CYP4F3: variants seen among roughly 807,000 people sequenced by gnomAD.
The protein encoded by CYP4F3 is cytochrome P450 4F3.
CYP4F3 carries 50 observed loss-of-function variants against 54.8 expected under a neutral mutation model. That is an observed-to-expected ratio of 0.91 (90% CI 0.73 to 1.16). The LOEUF (loss-of-function observed/expected upper bound fraction) is 1.16. CYP4F3 is among the 50% of genes most tolerant of loss of function. The pLI, the probability that CYP4F3 is intolerant of heterozygous loss-of-function variation, is 0.00. For missense variants in CYP4F3, 715 were observed against 676.2 expected (o/e 1.06, Z -0.64); for synonymous variants, 244 against 262.6 (o/e 0.93, Z 0.69).
rs995075898 is a variant in CYP4F3 at position 15,659,502 on chromosome 19, T to G, written c.*117T>G. On this transcript the variant is annotated 3_prime_UTR_variant, in exon 13 of 13. Coordinates refer to ENST00000221307, the MANE Select transcript of CYP4F3 (RefSeq NM_000896.3). ...CCTGTATTCCATCCTAGATATCTAC[T>G]CAAAATAATTGAGACAAGTGTTCAA... 3 of 1,145,528 alleles carry G rather than the reference T, an allele frequency of 2.6e-6. No homozygotes were observed. In the East Asian group the frequency reaches 8.3e-5, roughly 32 times the overall value. 71.0% of individuals were successfully genotyped at this position (1,145,528 alleles called of 1,614,324 possible). A position where few individuals can be genotyped will look rare whatever the true frequency, so the allele number is the denominator to read the frequency against.
At position 15,659,264 on chromosome 19, in the gene CYP4F3, T is replaced by A. The variant is rs770935519; in HGVS notation, c.1442T>A (p.Val481Asp). ...TTCGCGATGGCGGAGATGAAGGTGG[T>A]CCTGGGGCTCACGCTGCTGCGCTTC... ...QAFAMAEMKV[V>D]LGLTLLRFRV... is the part of the protein sequence containing the mutation. The change falls in exon 13 of 13, where the codon GTC (valine) becomes GAC (aspartate). Residue 481 changes from valine (V) to aspartate (D), a missense_variant. By Grantham distance (152) the Val-to-Asp change is radical. Coordinates refer to ENST00000221307, the MANE Select transcript of CYP4F3 (RefSeq NM_000896.3). The A allele has an allele frequency of 6.2e-7, 1 of 1,612,856 alleles. No homozygotes were observed. The highest frequency in any genetic ancestry group is 8.5e-7 in the Non-Finnish European group (1 of 1,179,826).
chr19:15,645,470 T>A (rs1008712709), intron 2 of CYP4F3, among the ~76,000 whole-genome samples: 28 of 152,134 alleles, frequency 1.8e-4, no homozygotes, highest in African/African-American at 6.3e-4. Context: ...GAAAATGGGA[T>A]GAATGAGAGC....
intron 7 of CYP4F3, among the ~76,000 whole-genome samples, chr19:15,650,684 CTTTCTT>C (rs1599894802): frequency 1.4e-5 from 1 of 70,022 alleles, no homozygotes; most frequent in Non-Finnish European, 2.6e-5. Flanking sequence ...TTCTTTCTTT[CTTTCTT>C]TCTTTCTTTC....
intron 7 of CYP4F3, among the ~76,000 whole-genome samples, chr19:15,652,093 C>A (rs1972873813): frequency 6.6e-6 from 1 of 151,954 alleles, no homozygotes; most frequent in Non-Finnish European, 1.5e-5. Flanking sequence ...AGAGAGGGCA[C>A]CAGCTTTGTG....
rs1973203698 is a variant in CYP4F3, at chr19:15,662,490, C to A, written c.*3105C>A. On this transcript the variant is annotated 3_prime_UTR_variant, in exon 13 of 13. Transcript: ENST00000221307. ...TAAAGGAGTAATGGGAATCCTTCAA[C>A]TACATTTTTTCCCCAATAATTTTTG... 1 of 108,864 alleles carries A rather than the reference C, an allele frequency of 9.2e-6. No individual in the cohort carries two copies. The highest frequency in any genetic ancestry group is 1.9e-5 in the Non-Finnish European group (1 of 53,198). The allele number at this position is 108,864 out of a possible 1,614,324, so 6.7% of individuals were successfully genotyped here. A position where few individuals can be genotyped will look rare whatever the true frequency, so the allele number is the denominator to read the frequency against.
chr19:15,650,025 C>G lies in CYP4F3; in HGVS notation c.760C>G (p.Gln254Glu), dbSNP rs756595581. The G allele has an allele frequency of 5.0e-6, 8 of 1,614,234 alleles. No homozygotes were observed. The South Asian group carries it at 8.8e-5, about 18-fold the overall frequency. Residue 254 changes from glutamine (Q) to glutamate (E), a missense_variant, in exon 7 of 13, where the codon CAG becomes GAG. Physicochemically the swap from Gln to Glu is conservative, Grantham distance 29. Coordinates refer to ENST00000221307, the MANE Select transcript of CYP4F3 (RefSeq NM_000896.3). ...DFLYYLTPDG[Q>E]RFRRACRLVH... Reference sequence around the variant, plus strand: ...CCTGTATTATCTCACCCCTGATGGGCAGCGTTTCCGCAGGGCCTGCCGCCT... The same window carrying G: ...CCTGTATTATCTCACCCCTGATGGGGAGCGTTTCCGCAGGGCCTGCCGCCT...
chr19:15,647,127 G>T, intron 4 of CYP4F3, 22 bp downstream of exon 4: 1 of 1,614,012 alleles, frequency 6.2e-7, no homozygotes, highest in Non-Finnish European at 8.5e-7. Context: ...TAGGTGAACA[G>T]GGTTGGGAAC....
chr19:15,650,808 C>CTCTTTCTTTCTT lies in CYP4F3; in HGVS notation c.918+675_918+686dup, dbSNP rs754901864. ...CTTTCTTTCTTTCTTTCTCTCTCTT[C>CTCTTTCTTTCTT]TCTTTCTTTCTTTCTTTCTTTCTTT... On this transcript the variant is annotated intron_variant, in intron 7 of 12. Transcript: ENST00000221307. 3.2e-3 allele frequency among the ~76,000 whole-genome samples: 41 copies of CTCTTTCTTTCTT among 12,938 alleles called. 7 individuals are homozygous for CTCTTTCTTTCTT. The highest frequency in any genetic ancestry group is 3.7e-3 in the Non-Finnish European group (31 of 8,392). The allele number at this position is 12,938 out of a possible 152,430, so 8.5% of individuals were successfully genotyped here.
intron 1 of CYP4F3, 93 bp from the exon 2 acceptor site, chr19:15,641,322 C>A: frequency 6.8e-7 from 1 of 1,462,668 alleles, no homozygotes; most frequent in Non-Finnish European, 9.4e-7. Flanking sequence ...ATCTCCAGCA[C>A]TGCCCGTCTC....
intron 5 of CYP4F3, among the ~76,000 whole-genome samples, chr19:15,648,819 T>A (rs1972702616): frequency 6.6e-6 from 1 of 151,688 alleles, no homozygotes; most frequent in Non-Finnish European, 1.5e-5. Context: ...TGGAGCAGAG[T>A]TTCTAACATG....
At chr19:15,649,754 A>G (rs191217846) in intron 6 of CYP4F3, among the ~76,000 whole-genome samples, 159 bp from the exon 7 acceptor site, 3 of 152,120 alleles carry the variant, frequency 2.0e-5, no homozygotes, top group Admixed American at 2.0e-4. Context: ...GAGCCTGGAG[A>G]GTCGATTTCA....
intron 3 of CYP4F3, 87 bp from the exon 4 acceptor site, chr19:15,646,965 C>T: frequency 6.4e-7 from 1 of 1,572,736 alleles, no homozygotes; most frequent in Non-Finnish European, 8.7e-7. Flanking sequence ...GGAAGAAGTG[C>T]AAACCTCTTG....
chr19:15,648,034 C>T (rs1972682735), intron 5 of CYP4F3, among the ~76,000 whole-genome samples: 2 of 152,082 alleles, frequency 1.3e-5, no homozygotes, highest in South Asian at 4.1e-4. Flanking sequence ...GTAAAATAGG[C>T]TCTGTCTATT....
In CYP4F3 at chr19:15,647,219, T is replaced by C. The variant is rs754721580; in HGVS notation, c.420T>C (p.Ala140=). The change falls in exon 5 of 13, where the codon GCT becomes GCC. Residue 140 remains alanine (A), a synonymous_variant. Transcript: ENST00000221307. ...PWLGDGLLLS[A]GEKWSRHRRM... ...CAGGGGATGGGCTCCTGCTGAGTGC[T>C]GGTGAAAAGTGGAGCCGCCACCGTC... The C allele has an allele frequency of 6.2e-7, 1 of 1,614,246 alleles. No homozygotes were observed. The highest frequency in any genetic ancestry group is 8.5e-7 in the Non-Finnish European group (1 of 1,180,044).
At chr19:15,643,080 G>A (rs1166437875) in intron 2 of CYP4F3, among the ~76,000 whole-genome samples, 2 of 148,752 alleles carry the variant, frequency 1.3e-5, no homozygotes, top group African/African-American at 4.9e-5. Context: ...CAGATAAGAT[G>A]GATGGATGGA....
chr19:15,643,204 A>C (rs962684340), intron 2 of CYP4F3, among the ~76,000 whole-genome samples: 1 of 150,268 alleles, frequency 6.7e-6, no homozygotes, highest in Non-Finnish European at 1.5e-5. Flanking sequence ...TAGATGGATG[A>C]ATGGATGCAC....
rs773312543 is a variant in CYP4F3, at chr19:15,641,444, GC to G, written c.31del (p.Leu11PhefsTer56). On this transcript the variant is annotated frameshift_variant, in exon 2 of 13. Coordinates refer to ENST00000221307, the MANE Select transcript of CYP4F3 (RefSeq NM_000896.3). LOFTEE classifies it high-confidence loss of function. ...CCACAGCTGAGCCTGTCCTCGCTGG[GC>G]CTTTGGCCAATGGCAGCATCCCCGT... MPQLSLSSL[G>X]LWPMAASPWL... 1 of 1,614,186 alleles carries G rather than the reference GC, an allele frequency of 6.2e-7. No individual in the cohort carries two copies. Among genetic ancestry groups the G allele is most frequent in the Admixed American group, 1.7e-5 (1 of 60,024 alleles).
At chr19:15,648,276 ACTT>A (rs1425394985) in intron 5 of CYP4F3, among the ~76,000 whole-genome samples, 2 of 151,982 alleles carry the variant, frequency 1.3e-5, no homozygotes, top group Non-Finnish European at 2.9e-5. Context: ...GTTAGATTGC[ACTT>A]CTTCTCCAAG....
intron 2 of CYP4F3, among the ~76,000 whole-genome samples, chr19:15,644,815 A>G (rs538893861): frequency 6.6e-6 from 1 of 152,284 alleles, no homozygotes; most frequent in South Asian, 2.1e-4. Context: ...GAGCAGGGAA[A>G]CAGGCAGCAT....
Sources: gnomAD v4.1 joint callset for allele counts (sites outside exome capture counted in the v4.1 genomes callset) on GRCh38, gnomAD v4.1.1 for gene constraint, MANE v1.5 for transcripts, NCBI Gene and HGNC (gene_info 2026-07-23, HGNC 2026-07-21) for gene names.